STK32B: variants seen among roughly 807,000 people sequenced by gnomAD.
STK32B encodes serine/threonine kinase 32B.
In STK32B, 43 loss-of-function variants were observed where a neutral mutation model predicts 52.6. That is an observed-to-expected ratio of 0.82 (90% confidence interval 0.64 to 1.05). STK32B has a LOEUF of 1.05. STK32B is among the 50% of genes least tolerant of loss of function. The probability of loss-of-function intolerance (pLI) is 0.00; values close to 1 mark genes in which losing one functional copy is unlikely to be tolerated. For synonymous variants in STK32B, 238 were observed against 204.3 expected (o/e 1.17, Z -1.41); for missense variants, 621 against 534.6 (o/e 1.16, Z -1.59).
At chr4:5,040,388 ATTTTTTT>A in the STK32B span, among the ~76,000 whole-genome samples, 60,743 of 119,566 alleles carry the variant, frequency 0.51, 15,212 homozygotes, top group East Asian at 0.78. Flanking sequence ...TGGCAGTAGA[ATTTTTTT>A]TTTTTTTTTT....
intron 1 of STK32B, among the ~76,000 whole-genome samples, chr4:5,099,964 T>A (rs1713634684): frequency 6.6e-6 from 1 of 151,864 alleles, no homozygotes; most frequent in African/African-American, 2.4e-5. Context: ...ATTTGAGATG[T>A]TCGGATTTTA....
At chr4:5,351,490 A>G (rs888860259) in intron 4 of STK32B, among the ~76,000 whole-genome samples, 3 of 152,080 alleles carry the variant, frequency 2.0e-5, no homozygotes, top group African/African-American at 7.2e-5. Flanking sequence ...TTATAACAAT[A>G]AATGTCTGCC....
intron 1 of STK32B, among the ~76,000 whole-genome samples, chr4:5,071,873 G>A (rs1032837380): frequency 6.6e-6 from 1 of 152,106 alleles, no homozygotes; most frequent in African/African-American, 2.4e-5. Flanking sequence ...GATATGATGG[G>A]TAGGGAGAGA....
intron 3 of STK32B, among the ~76,000 whole-genome samples, chr4:5,285,505 A>C (rs1323415901): frequency 6.6e-6 from 1 of 152,236 alleles, no homozygotes; most frequent in East Asian, 1.9e-4. Flanking sequence ...AGATAAACCA[A>C]GAAAAGAATT....
intron 3 of STK32B, among the ~76,000 whole-genome samples, chr4:5,245,863 T>C (rs1428382181): frequency 1.3e-5 from 2 of 152,232 alleles, no homozygotes; most frequent in African/African-American, 4.8e-5. Context: ...AAATTCTGGG[T>C]TGAAAATTCT....
the STK32B span, among the ~76,000 whole-genome samples, chr4:5,041,987 G>T: frequency 1.3e-4 from 20 of 152,240 alleles, no homozygotes; most frequent in East Asian, 2.9e-3. Context: ...AAGACGCCCT[G>T]CTCCAGGGAA....
intron 7 of STK32B, among the ~76,000 whole-genome samples, chr4:5,448,315 C>T (rs1326338733): frequency 6.6e-6 from 1 of 152,238 alleles, no homozygotes; most frequent in Non-Finnish European, 1.5e-5. Flanking sequence ...AGACAGGTGC[C>T]TGTGTGGTGT....
chr4:5,177,117 T>C (rs998065132), intron 3 of STK32B, among the ~76,000 whole-genome samples: 1 of 152,220 alleles, frequency 6.6e-6, no homozygotes, highest in African/African-American at 2.4e-5. Context: ...AGTTCACTCT[T>C]ATACTGCTAT....
At chr4:5,284,896 G>C (rs1462669123) in intron 3 of STK32B, among the ~76,000 whole-genome samples, 1 of 152,110 alleles carries the variant, frequency 6.6e-6, no homozygotes, top group African/African-American at 2.4e-5. Context: ...AGTGCCACTT[G>C]TGGTGCTAGA....
intron 1 of STK32B, among the ~76,000 whole-genome samples, chr4:5,109,650 T>C (rs561422409): frequency 1.4e-4 from 22 of 152,332 alleles, no homozygotes; most frequent in African/African-American, 5.1e-4. Flanking sequence ...GGGAGCCATG[T>C]ATGGCAAAGC....
Position 5,115,713 on chromosome 4 carries a change from T to C in STK32B, c.53-24192T>C, listed in dbSNP as rs569376432. ...CACGTCCTCAGGAGAGCTGGTGCTTTGCTGGTGGTGGAAACTTGGCAATTC... is the reference window on the plus strand; with the variant it reads ...CACGTCCTCAGGAGAGCTGGTGCTTCGCTGGTGGTGGAAACTTGGCAATTC... On this transcript the variant is annotated intron_variant, in intron 1 of 11. Coordinates refer to ENST00000282908, the MANE Select transcript of STK32B (RefSeq NM_018401.3). 8.5e-5 allele frequency among the ~76,000 whole-genome samples: 13 copies of C among 152,322 alleles called. No individual in the cohort carries two copies. In the East Asian group the frequency reaches 2.5e-3, roughly 29 times the overall value.
At position 5,184,611 on chromosome 4, in the gene STK32B, C is replaced by T. The variant is rs184917868; in HGVS notation, c.260+16161C>T. On this transcript the variant is annotated intron_variant, in intron 3 of 11. Transcript: ENST00000282908. The stretch of plus-strand genomic sequence containing the variant: ...GCTGAGGCAGGAGAATTGCTTGAAC[C>T]CGGGAGGCAGAGGTTGCAGTGAGCT... Among the ~76,000 whole-genome samples the T allele has an allele frequency of 7.4e-3, 1,105 of 148,500 alleles. 11 individuals are homozygous for T. Among genetic ancestry groups the T allele is most frequent in the African/African-American group, 0.026 (1,036 of 40,332 alleles).
intron 6 of STK32B, among the ~76,000 whole-genome samples, chr4:5,438,561 G>A (rs569424553): frequency 6.6e-6 from 1 of 152,282 alleles, no homozygotes; most frequent in South Asian, 2.1e-4. Context: ...GGCCAAGCAT[G>A]GCAGAGGAAG....
At chr4:5,282,729 C>A (rs1728290244) in intron 3 of STK32B, among the ~76,000 whole-genome samples, 1 of 152,048 alleles carries the variant, frequency 6.6e-6, no homozygotes, top group Admixed American at 6.6e-5. Flanking sequence ...TGTCAATGAC[C>A]AGTGGCTGGG....
At chr4:5,086,143 G>A (rs1308432772) in intron 1 of STK32B, among the ~76,000 whole-genome samples, 2 of 152,176 alleles carry the variant, frequency 1.3e-5, no homozygotes, top group African/African-American at 4.8e-5. Context: ...AAAAGCTTCT[G>A]TCTATTTCTG....
intron 4 of STK32B, among the ~76,000 whole-genome samples, chr4:5,350,840 T>C (rs1218067294): frequency 6.6e-6 from 1 of 152,064 alleles, no homozygotes; most frequent in Non-Finnish European, 1.5e-5. Context: ...GGAGTAGCTC[T>C]ACTATATCAG....
At chr4:5,403,783 G>T (rs1486624935) in intron 5 of STK32B, among the ~76,000 whole-genome samples, 1 of 152,024 alleles carries the variant, frequency 6.6e-6, no homozygotes, top group Admixed American at 6.5e-5. Context: ...TAAAAAATTA[G>T]GCATGTACTG....
intron 2 of STK32B, among the ~76,000 whole-genome samples, chr4:5,159,972 A>T (rs1025966323): frequency 6.6e-6 from 1 of 151,954 alleles, no homozygotes; most frequent in Non-Finnish European, 1.5e-5. Flanking sequence ...CTGGGAAGTC[A>T]GTCTTTTACT....
intron 4 of STK32B, among the ~76,000 whole-genome samples, chr4:5,343,004 G>C (rs1733190000): frequency 6.6e-6 from 1 of 151,896 alleles, no homozygotes; most frequent in Non-Finnish European, 1.5e-5. Flanking sequence ...CAACATGCAG[G>C]TTTGTTACAT....
Sources: allele counts gnomAD v4.1 joint callset (sites outside exome capture counted in the v4.1 genomes callset), GRCh38; gene constraint gnomAD v4.1.1; transcripts MANE v1.5; gene names NCBI Gene and HGNC (gene_info 2026-07-23, HGNC 2026-07-21).